Variants in FMN2 observed in about 807,000 individuals in gnomAD.
FMN2 encodes formin-2.
A neutral mutation model predicts 142.3 loss-of-function variants in FMN2; 51 were observed. That is an observed-to-expected ratio of 0.36 (90% CI 0.29 to 0.45). The LOEUF (loss-of-function observed/expected upper bound fraction) is 0.45. Among genes scored for constraint, FMN2 ranks in the 20% least tolerant of loss-of-function variants. The probability of loss-of-function intolerance (pLI) is 1.00; values close to 1 mark genes in which losing one functional copy is unlikely to be tolerated. For synonymous variants in FMN2, 882 were observed against 869.8 expected, an observed-to-expected ratio of 1.01 and a Z score of -0.25; for missense variants, 1,936 against 2,122.8, an observed-to-expected ratio of 0.91 and a Z score of 1.73.
chr1:240,418,032 A>C (rs1572286792), intron 15 of FMN2, among the ~76,000 whole-genome samples: 1 of 151,778 alleles, frequency 6.6e-6, no homozygotes, highest in East Asian at 1.9e-4. Flanking sequence ...CTTTCTTTTC[A>C]CATTTTCCTG....
At chr1:240,199,986 C>T (rs1666067507) in intron 4 of FMN2, among the ~76,000 whole-genome samples, 1 of 152,154 alleles carries the variant, frequency 6.6e-6, no homozygotes, top group Non-Finnish European at 1.5e-5. Flanking sequence ...GAGAGTCTTT[C>T]TGAAAACTGT....
intron 14 of FMN2, among the ~76,000 whole-genome samples, chr1:240,380,690 T>A (rs1673194213): frequency 7.3e-6 from 1 of 136,944 alleles, no homozygotes; most frequent in African/African-American, 2.7e-5. Context: ...TAGAAAAGCA[T>A]GAACAAACCA....
intron 1 of FMN2, among the ~76,000 whole-genome samples, chr1:240,099,106 A>G (rs1365056544): frequency 6.6e-6 from 1 of 152,162 alleles, no homozygotes; most frequent in Non-Finnish European, 1.5e-5. Context: ...GAAATAGCAT[A>G]CATAAAGCCC....
At chr1:240,170,241 G>A (rs1213163956) in intron 2 of FMN2, 1 of 1,270,746 alleles carries the variant, frequency 7.9e-7, no homozygotes, top group East Asian at 2.4e-5. Context: ...CCGTAGAGGA[G>A]ATAGAGGTGG....
intron 2 of FMN2, among the ~76,000 whole-genome samples, chr1:240,157,334 G>A (rs1320069445): frequency 6.6e-6 from 1 of 152,228 alleles, no homozygotes; most frequent in Admixed American, 6.5e-5. Context: ...GTGGGAGTAT[G>A]TGAGTTCATT....
chr1:240,188,327 CT>C, intron 4 of FMN2, 65 bp downstream of exon 4: 1 of 1,543,686 alleles, frequency 6.5e-7, no homozygotes, highest in Non-Finnish European at 8.9e-7. Flanking sequence ...TTGTGACAGA[CT>C]CTGCGATTTA....
At chr1:240,177,003 G>C (rs886652795) in intron 2 of FMN2, among the ~76,000 whole-genome samples, 49 of 152,074 alleles carry the variant, frequency 3.2e-4, no homozygotes, top group African/African-American at 1.0e-3. Context: ...TTGTAGTCTC[G>C]ACCCAGTGAT....
At chr1:240,178,211 G>T (rs766538432) in intron 3 of FMN2, 143 bp downstream of exon 3, 3 of 935,022 alleles carry the variant, frequency 3.2e-6, no homozygotes, top group South Asian at 6.7e-5. Flanking sequence ...TTTACTTTGG[G>T]GTCTTTTCTC....
chr1:240,297,383 C>T (rs557352090), intron 8 of FMN2, among the ~76,000 whole-genome samples: 39 of 151,916 alleles, frequency 2.6e-4, no homozygotes, highest in Non-Finnish European at 5.3e-4. Flanking sequence ...ATCACGAGGT[C>T]GGGAGTTCGA....
chr1:240,244,345 G>A (rs960720132), intron 6 of FMN2, among the ~76,000 whole-genome samples: 1 of 152,178 alleles, frequency 6.6e-6, no homozygotes, highest in East Asian at 1.9e-4. Flanking sequence ...TTACTAGCTT[G>A]TAAGAAATTG....
intron 3 of FMN2, 22 bp from the exon 4 acceptor site, chr1:240,188,185 G>C (rs376945669): frequency 9.3e-6 from 15 of 1,612,632 alleles, no homozygotes; most frequent in Non-Finnish European, 1.3e-5. Flanking sequence ...GATACTGACT[G>C]TCTGCTTCCT....
intron 2 of FMN2, chr1:240,144,035 C>G: frequency 8.8e-7 from 1 of 1,131,388 alleles, no homozygotes; most frequent in Non-Finnish European, 1.4e-6. Flanking sequence ...CACTATGCCA[C>G]AGGCAAGAAG....
intron 6 of FMN2, among the ~76,000 whole-genome samples, chr1:240,221,689 G>A (rs567070899): frequency 1.3e-5 from 2 of 151,956 alleles, no homozygotes; most frequent in Non-Finnish European, 2.9e-5. Context: ...TCGGTTGCCT[G>A]TTCACTCTGA....
At chr1:240,323,237 C>T (rs1671042776) in intron 8 of FMN2, among the ~76,000 whole-genome samples, 1 of 151,608 alleles carries the variant, frequency 6.6e-6, no homozygotes, top group East Asian at 1.9e-4. Context: ...CTCTCTCACC[C>T]AGGCTGGAGT....
intron 7 of FMN2, among the ~76,000 whole-genome samples, chr1:240,274,423 A>G (rs1669124049): frequency 6.6e-6 from 1 of 152,110 alleles, no homozygotes; most frequent in Non-Finnish European, 1.5e-5. Context: ...GCACGATGTG[A>G]GAGTGCCTGG....
intron 2 of FMN2, among the ~76,000 whole-genome samples, chr1:240,145,653 G>T (rs912330009): frequency 6.7e-6 from 1 of 148,258 alleles, no homozygotes; most frequent in Non-Finnish European, 1.5e-5. Flanking sequence ...AGGACCACAG[G>T]CACGTACCAC....
intron 2 of FMN2, among the ~76,000 whole-genome samples, chr1:240,152,062 T>G (rs115606876): frequency 0.011 from 1,610 of 152,232 alleles, 26 homozygotes; most frequent in African/African-American, 0.037. Context: ...TGAACCACCA[T>G]GCCCGGCCTC....
At chr1:240,210,912 G>T (rs1440244188) in intron 5 of FMN2, among the ~76,000 whole-genome samples, 179 bp from the exon 6 acceptor site, 1 of 152,116 alleles carries the variant, frequency 6.6e-6, no homozygotes, top group Non-Finnish European at 1.5e-5. Context: ...TTCCCATTAA[G>T]TTGATCAAAC....
chr1:240,214,554 A>G (rs1666819891), intron 6 of FMN2, among the ~76,000 whole-genome samples: 2 of 147,096 alleles, frequency 1.4e-5, no homozygotes, highest in South Asian at 2.2e-4. Flanking sequence ...CCATCTCAAA[A>G]AAAAAAAAAA....
Sources: allele counts gnomAD v4.1 joint callset (sites outside exome capture counted in the v4.1 genomes callset), GRCh38; gene constraint gnomAD v4.1.1; transcripts MANE v1.5; gene names NCBI Gene and HGNC (gene_info 2026-07-23, HGNC 2026-07-21).